The following CCDC171 variants were observed in gnomAD, a reference collection of about 807,000 sequenced individuals.
The protein encoded by CCDC171 is coiled-coil domain-containing protein 171.
A neutral mutation model predicts 168.2 loss-of-function variants in CCDC171; 177 were observed. That is an observed-to-expected ratio of 1.05 (90% confidence interval 0.93 to 1.19). The LOEUF (loss-of-function observed/expected upper bound fraction) is 1.19. Among genes scored for constraint, CCDC171 ranks in the 50% most tolerant of loss-of-function variants. The pLI is 0.00. For synonymous variants in CCDC171, 687 were observed against 540.8 expected (o/e 1.27, Z -3.75); for missense variants, 1,991 against 1,539.0 (o/e 1.29, Z -4.91).
chr9:16,072,923 CCTG>C, the CCDC171 span, among the ~76,000 whole-genome samples: 6 of 152,140 alleles, frequency 3.9e-5, no homozygotes, highest in Non-Finnish European at 7.3e-5. Flanking sequence ...CTTTGTTATT[CCTG>C]CTATTTCTTG....
Position 15,817,842 on chromosome 9 carries a change from A to T in CCDC171, c.3268-28860A>T, listed in dbSNP as rs1588672900. Among the ~76,000 whole-genome samples, 3 of 117,910 alleles carry T rather than the reference A, an allele frequency of 2.5e-5. 1 individual carries two copies. The East Asian group carries it at 6.4e-4, about 25-fold the overall frequency. 77.4% of individuals were successfully genotyped at this position (117,910 alleles called of 152,430 possible). A position where few individuals can be genotyped will look rare whatever the true frequency, so the allele number is the denominator to read the frequency against. The stretch of plus-strand genomic sequence containing the variant: ...GTCCCTGTCTGACAGCTTTGAAGAG[A>T]GTAGTGGTTCTCCCAGCACACAGCT... On this transcript the variant is annotated intron_variant, in intron 21 of 25. Coordinates refer to ENST00000380701, the MANE Select transcript of CCDC171 (RefSeq NM_173550.4).
intron 4 of CCDC171, chr9:15,588,437 C>A (rs1174680001): frequency 3.5e-6 from 1 of 282,780 alleles, no homozygotes; most frequent in Non-Finnish European, 7.3e-6. Context: ...TCTGCTAAAC[C>A]TGCTCCTTCA....
At chr9:15,610,906 T>A (rs933100538) in intron 6 of CCDC171, among the ~76,000 whole-genome samples, 1 of 152,096 alleles carries the variant, frequency 6.6e-6, no homozygotes, top group Non-Finnish European at 1.5e-5. Flanking sequence ...TAGTAGCCTC[T>A]GAGTTTCACA....
intron 1 of CCDC171, among the ~76,000 whole-genome samples, chr9:16,046,171 G>A (rs906971531): frequency 2.6e-5 from 4 of 152,222 alleles, no homozygotes; most frequent in African/African-American, 9.6e-5. Flanking sequence ...GTTGGTGAGT[G>A]TGAGGGCAGA....
chr9:15,966,492 A>G (rs1242401023), intron 25 of CCDC171, among the ~76,000 whole-genome samples: 1 of 152,210 alleles, frequency 6.6e-6, no homozygotes, highest in Non-Finnish European at 1.5e-5. Context: ...TTCCACATCA[A>G]ACGAGTAGCC....
intron 24 of CCDC171, among the ~76,000 whole-genome samples, chr9:15,916,320 A>G (rs1175808582): frequency 1.3e-5 from 2 of 151,980 alleles, no homozygotes; most frequent in Non-Finnish European, 2.9e-5. Context: ...ATAAAATGTT[A>G]TAAGGTATGA....
At chr9:15,892,259 AG>A (rs1820312946) in intron 24 of CCDC171, among the ~76,000 whole-genome samples, 1 of 152,098 alleles carries the variant, frequency 6.6e-6, no homozygotes, top group African/African-American at 2.4e-5. Flanking sequence ...ATGGTGAGAG[AG>A]GGCAGCCTTG....
At chr9:15,913,753 C>G (rs909191824) in intron 24 of CCDC171, among the ~76,000 whole-genome samples, 14 of 152,270 alleles carry the variant, frequency 9.2e-5, no homozygotes, top group Admixed American at 2.6e-4. Context: ...CCTTTTTGAG[C>G]TGGTTTTTCC....
At chr9:15,723,540 T>TA (rs1240512618) in intron 12 of CCDC171, 141 bp from the exon 13 acceptor site, 4 of 626,866 alleles carry the variant, frequency 6.4e-6, no homozygotes, top group Non-Finnish European at 1.1e-5. Flanking sequence ...TAAAGACTCT[T>TA]AATTACTATT....
intron 3 of CCDC171, among the ~76,000 whole-genome samples, chr9:16,004,865 G>T (rs1564114297): frequency 6.6e-6 from 1 of 151,712 alleles, no homozygotes; most frequent in South Asian, 2.1e-4. Flanking sequence ...TTCCCTGGAG[G>T]CCCTTAACAT....
chr9:16,098,260 C>A, the CCDC171 span, among the ~76,000 whole-genome samples: 2 of 152,126 alleles, frequency 1.3e-5, no homozygotes, highest in Admixed American at 1.3e-4. Flanking sequence ...TTGAAGAGTT[C>A]ATTACATTCA....
intron 23 of CCDC171, among the ~76,000 whole-genome samples, chr9:15,865,336 C>T (rs2061729677): frequency 6.6e-6 from 1 of 151,538 alleles, no homozygotes; most frequent in African/African-American, 2.4e-5. Context: ...TACATACATA[C>T]ATACATATAT....
Position 15,623,502 on chromosome 9 carries a change from C to CACACACACACACACACAG in CCDC171, c.822+94_822+95insCACACACACACAGACACA, listed in dbSNP as rs1006558906. Reference sequence around the variant, plus strand: ...ACACACACACACACACACACACACACACACATAAAACCCATTCCGTGATTT... The same window carrying CACACACACACACACACAG: ...ACACACACACACACACACACACACACACACACACACACACACAGACACATAAAACCCATTCCGTGATTT... On this transcript the variant is annotated intron_variant, in intron 7 of 25. Transcript: ENST00000380701. 914 of 693,578 alleles carry CACACACACACACACACAG rather than the reference C, an allele frequency of 1.3e-3. 15 individuals are homozygous for CACACACACACACACACAG. The African/African-American group carries it at 0.016, about 12-fold the overall frequency. 43.0% of individuals were successfully genotyped at this position (693,578 alleles called of 1,614,324 possible).
intron 21 of CCDC171, among the ~76,000 whole-genome samples, chr9:15,786,377 AAAATT>A (rs1371936104): frequency 6.6e-6 from 1 of 152,308 alleles, no homozygotes; most frequent in African/African-American, 2.4e-5. Flanking sequence ...TAGATGAAGA[AAAATT>A]AAAATAATCT....
At chr9:15,573,858 C>A (rs905419497) in intron 3 of CCDC171, among the ~76,000 whole-genome samples, 1 of 151,532 alleles carries the variant, frequency 6.6e-6, no homozygotes. Flanking sequence ...CCCGGGAGTT[C>A]GAGACCAGCC....
intron 3 of CCDC171, among the ~76,000 whole-genome samples, chr9:15,575,952 C>T (rs771502654): frequency 6.6e-6 from 1 of 151,942 alleles, no homozygotes; most frequent in South Asian, 2.1e-4. Context: ...ATTAGCTGGG[C>T]GTGGTGGTGC....
chr9:15,903,443 A>G (rs1004043256), intron 24 of CCDC171, among the ~76,000 whole-genome samples: 3 of 152,206 alleles, frequency 2.0e-5, no homozygotes, highest in Non-Finnish European at 4.4e-5. Flanking sequence ...GACCTCCAGC[A>G]AACTCCAACA....
At chr9:15,584,593 A>G (rs1286645124) in intron 4 of CCDC171, among the ~76,000 whole-genome samples, 1 of 152,126 alleles carries the variant, frequency 6.6e-6, no homozygotes, top group Admixed American at 6.5e-5. Context: ...CCCATGACCT[A>G]CTTTCAGAGG....
chr9:15,705,494 G>GC (rs2052150255), intron 11 of CCDC171, among the ~76,000 whole-genome samples: 1 of 152,088 alleles, frequency 6.6e-6, no homozygotes, highest in African/African-American at 2.4e-5. Context: ...GCATGCTTTT[G>GC]CCTTAGATGC....
Sources: allele counts gnomAD v4.1 joint callset (sites outside exome capture counted in the v4.1 genomes callset), GRCh38; gene constraint gnomAD v4.1.1; transcripts MANE v1.5; gene names NCBI Gene and HGNC (gene_info 2026-07-23, HGNC 2026-07-21).